Variants in ZMYND8 observed in about 807,000 individuals in gnomAD.
ZMYND8 encodes the protein MYND-type zinc finger-containing chromatin reader ZMYND8.
In ZMYND8, 37 loss-of-function variants were observed where a neutral mutation model predicts 140.8. The observed-to-expected ratio is 0.26, with a 90% CI of 0.20 to 0.35. The LOEUF (loss-of-function observed/expected upper bound fraction) is 0.35. Ranked by LOEUF, ZMYND8 falls within the 10% of genes least tolerant of loss-of-function variation. The pLI, the probability that ZMYND8 is intolerant of heterozygous loss-of-function variation, is 1.00. For synonymous variants in ZMYND8, 592 were observed against 597.1 expected (o/e 0.99, Z 0.12); for missense variants, 1,068 against 1,570.0 (o/e 0.68, Z 5.40).
Position 47,274,130 on chromosome 20 carries a change from G to A in ZMYND8, c.1480+2184C>T, listed in dbSNP as rs1260381497. The stretch of plus-strand genomic sequence containing the variant: ...TCTTTCTCCTTTTGTACCTCCCAAG[G>A]GAAGACAGAAGCTAAATTAAACACA... On this transcript the variant is annotated intron_variant, in intron 11 of 22. Coordinates refer to ENST00000471951, the MANE Select transcript of ZMYND8 (RefSeq NM_001281775.3). 2.6e-5 allele frequency among the ~76,000 whole-genome samples: 4 copies of A among 152,106 alleles called. No individual in the cohort carries two copies. The East Asian group carries it at 7.7e-4, about 29-fold the overall frequency.
At chr20:47,295,476 C>T (rs1232754500) in intron 4 of ZMYND8, among the ~76,000 whole-genome samples, 2 of 152,198 alleles carry the variant, frequency 1.3e-5, no homozygotes, top group African/African-American at 4.8e-5. Context: ...ACTTATCAAC[C>T]ATTTATCCTG....
chr20:47,256,000 G>C (rs932194676), intron 12 of ZMYND8, among the ~76,000 whole-genome samples: 3 of 146,048 alleles, frequency 2.1e-5, no homozygotes, highest in Admixed American at 1.4e-4. Flanking sequence ...CCGAACCCAG[G>C]AGGTGGAGGT....
chr20:47,354,452 G>A (rs893764420), intron 1 of ZMYND8: 3 of 152,186 alleles, frequency 2.0e-5, no homozygotes, highest in Non-Finnish European at 2.9e-5. Flanking sequence ...AAATAGCTGA[G>A]TGTCTGAACT....
In ZMYND8 at chr20:47,224,584, C is replaced by T. The variant is rs1362745638; in HGVS notation, c.3017-28G>A. ...GGTGGAGGAGGGGAAGAACACCGCT[C>T]ATCACCTGACCCCAGCCTGGGGTGT... On this transcript the variant is annotated intron_variant, in intron 18 of 22. Transcript: ENST00000471951. 5 of 1,609,448 alleles carry T rather than the reference C, an allele frequency of 3.1e-6. No homozygotes were observed. In the East Asian group the frequency reaches 6.7e-5, roughly 22 times the overall value.
At chr20:47,220,130 AC>A in intron 21 of ZMYND8, 127 bp downstream of exon 21, 1 of 637,112 alleles carries the variant, frequency 1.6e-6, no homozygotes, top group Non-Finnish European at 2.6e-6. Context: ...CACCCCAGGC[AC>A]CCCTAAGGAT....
chr20:47,261,419 T>C (rs561246394), intron 12 of ZMYND8, among the ~76,000 whole-genome samples: 5 of 151,982 alleles, frequency 3.3e-5, no homozygotes, highest in African/African-American at 1.2e-4. Flanking sequence ...AGGCCTGTAG[T>C]CCTAGCTACT....
At chr20:47,289,778 C>G (rs2077141991) in intron 7 of ZMYND8, among the ~76,000 whole-genome samples, 1 of 152,222 alleles carries the variant, frequency 6.6e-6, no homozygotes, top group Non-Finnish European at 1.5e-5. Context: ...TATCCTAACA[C>G]AAAGCAGAAA....
intron 2 of ZMYND8, among the ~76,000 whole-genome samples, chr20:47,337,262 G>C (rs1602056256): frequency 6.6e-6 from 1 of 152,142 alleles, no homozygotes; most frequent in Non-Finnish European, 1.5e-5. Context: ...TGAGACACGA[G>C]AATCAATTGA....
chr20:47,282,053 T>C (rs368886149), intron 10 of ZMYND8, 49 bp downstream of exon 10: 2 of 1,494,488 alleles, frequency 1.3e-6, no homozygotes, highest in African/African-American at 2.8e-5. Flanking sequence ...CATAACAGTA[T>C]CAAAGTTCAG....
Position 47,282,286 on chromosome 20 carries a change from A to G in ZMYND8, c.883-69T>C, listed in dbSNP as rs760660800. 2.2e-5 allele frequency: 30 copies of G among 1,377,544 alleles called. No homozygotes were observed. The Middle Eastern group carries it at 5.4e-4, about 25-fold the overall frequency. The allele number at this position is 1,377,544 out of a possible 1,614,324, so 85.3% of individuals were successfully genotyped here. A position where few individuals can be genotyped will look rare whatever the true frequency, so the allele number is the denominator to read the frequency against. On this transcript the variant is annotated intron_variant, in intron 9 of 22. Coordinates refer to ENST00000471951, the MANE Select transcript of ZMYND8 (RefSeq NM_001281775.3). ...AGCAAGATACTCACTAAAGTTTGGT[A>G]TGTGAGGATGAAGCAGGACTGTGGG...
At chr20:47,274,011 T>TA (rs1445941580) in intron 11 of ZMYND8, among the ~76,000 whole-genome samples, 2 of 152,208 alleles carry the variant, frequency 1.3e-5, no homozygotes, top group African/African-American at 4.8e-5. Flanking sequence ...AAAGGGACTT[T>TA]AAAGTCTACT....
chr20:47,282,209 T>A lies in ZMYND8; in HGVS notation c.891A>T (p.Pro297=). 6.2e-7 allele frequency: 1 copy of A among 1,613,744 alleles called. No individual in the cohort carries two copies. The highest frequency in any genetic ancestry group is 8.5e-7 in the Non-Finnish European group (1 of 1,179,878). ...TCAGTTTGGCCCAGACCAAAGGATG[T>A]GGATTGCTCTAGGAAAAGAAAAACA... is the stretch of plus-strand genomic sequence containing the variant. ...DNWFCEPCSN[P]HPLVWAKLKG... Residue 297 remains proline (P), a synonymous_variant, in exon 10 of 23, where the codon CCA becomes CCT. Transcript: ENST00000471951.
At chr20:47,321,444 T>C (rs1029126853) in intron 2 of ZMYND8, among the ~76,000 whole-genome samples, 1 of 152,202 alleles carries the variant, frequency 6.6e-6, no homozygotes, top group East Asian at 1.9e-4. Flanking sequence ...CATTCTACAA[T>C]GCACAGGACA....
rs570527446 is a variant in ZMYND8 at position 47,342,701 on chromosome 20, A to G, written c.85+5155T>C. ...CCTCTACTACAAATACAAAAAAATT[A>G]GCCGGGCATGGTGACATGTGCCTGT... On this transcript the variant is annotated intron_variant, in intron 2 of 22. Coordinates refer to ENST00000471951, the MANE Select transcript of ZMYND8 (RefSeq NM_001281775.3). Among the ~76,000 whole-genome samples, 3 of 152,154 alleles carry G rather than the reference A, an allele frequency of 2.0e-5. No individual in the cohort carries two copies. In the East Asian group the frequency reaches 5.8e-4, roughly 29 times the overall value.
chr20:47,348,229 G>A (rs978217001), intron 1 of ZMYND8: 3 of 390,742 alleles, frequency 7.7e-6, no homozygotes, highest in Non-Finnish European at 1.4e-5. Context: ...GTGGGCCAAT[G>A]AGAACCCAGC....
At chr20:47,333,087 C>T (rs994349970) in intron 2 of ZMYND8, among the ~76,000 whole-genome samples, 4 of 152,152 alleles carry the variant, frequency 2.6e-5, no homozygotes, top group East Asian at 1.9e-4. Context: ...TGGCTCATGC[C>T]TGTAATCCCA....
intron 2 of ZMYND8, among the ~76,000 whole-genome samples, chr20:47,346,504 G>T (rs2082343142): frequency 6.6e-6 from 1 of 152,070 alleles, no homozygotes; most frequent in African/African-American, 2.4e-5. Context: ...TCCCACCCAG[G>T]GTGCCTCCCC....
chr20:47,316,457 A>G (rs554762022), intron 2 of ZMYND8, among the ~76,000 whole-genome samples: 1 of 152,218 alleles, frequency 6.6e-6, no homozygotes, highest in Non-Finnish European at 1.5e-5. Context: ...TTAATTCAAG[A>G]TAACACAGGC....
intron 21 of ZMYND8, among the ~76,000 whole-genome samples, 158 bp downstream of exon 21, chr20:47,220,100 C>T (rs2036719942): frequency 2.0e-5 from 3 of 151,274 alleles, no homozygotes; most frequent in Admixed American, 2.0e-4. Context: ...TGCTCAGCTA[C>T]CCCCTCACCC....
Sources: gnomAD v4.1 joint callset for allele counts (sites outside exome capture counted in the v4.1 genomes callset) on GRCh38, gnomAD v4.1.1 for gene constraint, MANE v1.5 for transcripts, NCBI Gene and HGNC (gene_info 2026-07-23, HGNC 2026-07-21) for gene names.